GLYAT: variants seen among roughly 807,000 people sequenced by gnomAD.
GLYAT encodes glycine-N-acyltransferase, also known as glycine N-acyltransferase.
Under a neutral mutation model 22.8 loss-of-function variants are expected in GLYAT, and 25 were observed. The observed-to-expected ratio is 1.09, with a 90% CI of 0.80 to 1.53. The LOEUF is 1.53. Among genes scored for constraint, GLYAT ranks in the 40% most tolerant of loss-of-function variants. GLYAT has a pLI of 0.00. For synonymous variants in GLYAT, 140 were observed against 122.7 expected (o/e 1.14, Z -0.93); for missense variants, 411 against 353.9 (o/e 1.16, Z -1.29).
intron 2 of GLYAT, among the ~76,000 whole-genome samples, chr11:58,718,072 C>A (rs571932458): frequency 6.6e-6 from 1 of 152,098 alleles, no homozygotes; most frequent in Admixed American, 6.5e-5. Flanking sequence ...AATATATGGA[C>A]ATTTTTTTCA....
At chr11:58,721,879 C>T (rs1462319067) in intron 2 of GLYAT, among the ~76,000 whole-genome samples, 1 of 151,784 alleles carries the variant, frequency 6.6e-6, no homozygotes, top group East Asian at 1.9e-4. Flanking sequence ...GTTCTCCTTT[C>T]AATTTGTCCA....
intron 1 of GLYAT, among the ~76,000 whole-genome samples, chr11:58,730,086 G>A (rs1308087191): frequency 6.6e-6 from 1 of 152,152 alleles, no homozygotes; most frequent in Admixed American, 6.5e-5. Context: ...ACTGGGCAAT[G>A]AGTAGCATTC....
In GLYAT at chr11:58,712,832, C is replaced by T; in HGVS notation, c.244G>A (p.Asp82Asn). The T allele has an allele frequency of 6.2e-7, 1 of 1,609,400 alleles. No homozygotes were observed. The highest frequency in any genetic ancestry group is 1.1e-5 in the South Asian group (1 of 91,000). Residue 82 changes from aspartate (D) to asparagine (N), a missense_variant, in exon 4 of 6, where the codon GAT becomes AAT. Asp to Asn is a conservative substitution (Grantham distance 23, BLOSUM62 1). Coordinates refer to ENST00000344743, the MANE Select transcript of GLYAT (RefSeq NM_201648.3). ...AGGAATTCCTGACAGTTTTGGGGAT[C>T]TTTGGAGTAGATTTGGTAAGTATTG... ...YTNTYQIYSK[D>N]PQNCQEFLGS...
chr11:58,712,459 C>G (rs1423028337), intron 4 of GLYAT, among the ~76,000 whole-genome samples: 1 of 152,026 alleles, frequency 6.6e-6, no homozygotes, highest in Admixed American at 6.6e-5. Flanking sequence ...GAATAGAAGT[C>G]CAGAGGGAAG....
chr11:58,724,375 A>G (rs780366222), intron 2 of GLYAT, 41 bp downstream of exon 2: 59 of 1,081,644 alleles, frequency 5.5e-5, no homozygotes, highest in Non-Finnish European at 6.7e-5. Context: ...TTTCACATCA[A>G]GTTTGTCTTC....
At chr11:58,710,501 T>G in intron 5 of GLYAT, 89 bp downstream of exon 5, 1 of 989,024 alleles carries the variant, frequency 1.0e-6, no homozygotes, top group Non-Finnish European at 1.6e-6. Context: ...CAACATTGAT[T>G]GTAGGAAAGC....
intron 1 of GLYAT, among the ~76,000 whole-genome samples, 176 bp downstream of exon 1, chr11:58,731,659 C>T (rs965023321): frequency 6.6e-6 from 1 of 152,130 alleles, no homozygotes; most frequent in Non-Finnish European, 1.5e-5. Context: ...ATATCTATTA[C>T]TTCACATAGT....
chr11:58,720,280 A>G (rs1347258502), intron 2 of GLYAT, among the ~76,000 whole-genome samples: 1 of 152,042 alleles, frequency 6.6e-6, no homozygotes, highest in African/African-American at 2.4e-5. Context: ...AATGTCTATT[A>G]TTTAATTTAA....
intron 1 of GLYAT, among the ~76,000 whole-genome samples, chr11:58,725,080 T>C (rs1856798407): frequency 6.6e-6 from 1 of 152,136 alleles, no homozygotes; most frequent in Non-Finnish European, 1.5e-5. Flanking sequence ...AAGTCCTATA[T>C]ATTGCATGAT....
intron 2 of GLYAT, among the ~76,000 whole-genome samples, chr11:58,723,042 AGGAATCCTTG>A (rs1856770407): frequency 1.3e-5 from 2 of 152,076 alleles, no homozygotes; most frequent in Non-Finnish European, 2.9e-5. Context: ...GGTCCCAAGA[AGGAATCCTTG>A]GGAAACACCT....
chr11:58,717,842 A>G (rs763172279), intron 2 of GLYAT, among the ~76,000 whole-genome samples: 11 of 152,076 alleles, frequency 7.2e-5, no homozygotes, highest in Non-Finnish European at 1.5e-4. Context: ...ATAGGCTTTT[A>G]AATTGGCTTT....
At chr11:58,726,708 G>A (rs530847320) in intron 1 of GLYAT, among the ~76,000 whole-genome samples, 23 of 152,232 alleles carry the variant, frequency 1.5e-4, no homozygotes, top group African/African-American at 5.1e-4. Context: ...CCATAAGGGG[G>A]CTGGACTTCC....
At chr11:58,711,003 G>T (rs1856609829) in intron 4 of GLYAT, among the ~76,000 whole-genome samples, 1 of 152,084 alleles carries the variant, frequency 6.6e-6, no homozygotes. Flanking sequence ...TTTATTCAAA[G>T]ACCTGTGCTA....
At chr11:58,728,250 A>G (rs1040860771) in intron 1 of GLYAT, among the ~76,000 whole-genome samples, 1 of 151,740 alleles carries the variant, frequency 6.6e-6, no homozygotes, top group African/African-American at 2.4e-5. Context: ...TTTAGTAGAG[A>G]TGGGGTTTCA....
chr11:58,726,640 A>C (rs1856814283), intron 1 of GLYAT, among the ~76,000 whole-genome samples: 1 of 152,162 alleles, frequency 6.6e-6, no homozygotes, highest in Non-Finnish European at 1.5e-5. Flanking sequence ...TCCAAGATTG[A>C]CTTTTGTAAT....
intron 2 of GLYAT, among the ~76,000 whole-genome samples, chr11:58,716,007 C>T (rs1043386626): frequency 1.3e-5 from 2 of 152,142 alleles, no homozygotes; most frequent in Non-Finnish European, 2.9e-5. Flanking sequence ...ATATAACTCT[C>T]TGGAGAGCTT....
At position 58,724,679 on chromosome 11, in the gene GLYAT, C is replaced by A. The variant is rs111955177; in HGVS notation, c.-15-168G>T. Among the ~76,000 whole-genome samples the A allele has an allele frequency of 3.3e-5, 5 of 152,060 alleles. No individual in the cohort carries two copies. The South Asian group carries it at 1.0e-3, about 32-fold the overall frequency. The stretch of plus-strand genomic sequence containing the variant: ...TGAGACTCGTAGAAAACACAAGGAG[C>A]TTTCTCTGAGTTTTTTAGCTCTTTT... On this transcript the variant is annotated intron_variant, in intron 1 of 5. Transcript: ENST00000344743.
intron 2 of GLYAT, 192 bp downstream of exon 2, chr11:58,724,224 G>A (rs1856786651): frequency 4.2e-6 from 2 of 477,886 alleles, no homozygotes; most frequent in Admixed American, 3.7e-5. Flanking sequence ...TCAGTTAACT[G>A]AGTCTTCATT....
chr11:58,731,055 T>C (rs1461772930), intron 1 of GLYAT, among the ~76,000 whole-genome samples: 1 of 152,040 alleles, frequency 6.6e-6, no homozygotes. Context: ...CAGGAATAAA[T>C]AAGTAAATGG....
Sources: allele counts gnomAD v4.1 joint callset (sites outside exome capture counted in the v4.1 genomes callset), GRCh38; gene constraint gnomAD v4.1.1; transcripts MANE v1.5; gene names NCBI Gene and HGNC (gene_info 2026-07-23, HGNC 2026-07-21).